SMAP1: variants seen among roughly 807,000 people sequenced by gnomAD.
SMAP1 encodes stromal membrane-associated protein 1.
Under a neutral mutation model 58.5 loss-of-function variants are expected in SMAP1, and 24 were observed. That is an observed-to-expected ratio of 0.41 (90% CI 0.30 to 0.58). SMAP1 has a LOEUF of 0.58. Among genes scored for constraint, SMAP1 ranks in the 20% least tolerant of loss-of-function variants. SMAP1 has a pLI of 0.29. For synonymous variants in SMAP1, 216 were observed against 196.6 expected (o/e 1.10, Z -0.82); for missense variants, 563 against 566.3 (o/e 0.99, Z 0.06).
At chr6:70,771,237 C>G (rs1021698974) in intron 3 of SMAP1, among the ~76,000 whole-genome samples, 18 of 152,248 alleles carry the variant, frequency 1.2e-4, no homozygotes, top group African/African-American at 4.1e-4. Context: ...TGCCCATTCT[C>G]AGATCTCCAG....
At chr6:70,679,369 A>C (rs1581986391) in intron 1 of SMAP1, among the ~76,000 whole-genome samples, 1 of 152,300 alleles carries the variant, frequency 6.6e-6, no homozygotes, top group Non-Finnish European at 1.5e-5. Flanking sequence ...TTAAGATGGT[A>C]TGGGATGATG....
chr6:70,673,082 T>A (rs994559568), intron 1 of SMAP1, among the ~76,000 whole-genome samples: 7 of 152,104 alleles, frequency 4.6e-5, no homozygotes, highest in African/African-American at 1.7e-4. Flanking sequence ...AATGTCAATA[T>A]ATAAGTCAGG....
At chr6:70,822,679 G>A (rs1420122801) in intron 6 of SMAP1, among the ~76,000 whole-genome samples, 1 of 152,084 alleles carries the variant, frequency 6.6e-6, no homozygotes, top group Non-Finnish European at 1.5e-5. Flanking sequence ...TGGATGTGTG[G>A]TTTTGTATCC....
chr6:70,794,686 A>G (rs1194582399), intron 5 of SMAP1, among the ~76,000 whole-genome samples: 1 of 151,956 alleles, frequency 6.6e-6, no homozygotes, highest in Non-Finnish European at 1.5e-5. Context: ...TTTGCTCAGA[A>G]TGATGGTTTC....
rs147719662 is a variant in SMAP1 at position 70,812,676 on chromosome 6, A to C, written c.576+13939A>C. 5.3e-5 allele frequency among the ~76,000 whole-genome samples: 8 copies of C among 152,328 alleles called. No homozygotes were observed. The South Asian group carries it at 1.7e-3, about 32-fold the overall frequency. ...AAGCTAAAAAATTAAAAGATAATCAATTGCTTACAGAATAAATATTAATAA... is the reference window on the plus strand; with the variant it reads ...AAGCTAAAAAATTAAAAGATAATCACTTGCTTACAGAATAAATATTAATAA... On this transcript the variant is annotated intron_variant, in intron 6 of 10. Coordinates refer to ENST00000370455, the MANE Select transcript of SMAP1 (RefSeq NM_001044305.3).
chr6:70,809,069 T>C (rs1031902806), intron 6 of SMAP1, among the ~76,000 whole-genome samples: 4 of 152,156 alleles, frequency 2.6e-5, no homozygotes, highest in African/African-American at 9.7e-5. Flanking sequence ...TAATGTCTCT[T>C]GTGCAGATAT....
chr6:70,782,097 C>T (rs1309864352), intron 4 of SMAP1, among the ~76,000 whole-genome samples: 7 of 152,168 alleles, frequency 4.6e-5, no homozygotes, highest in Non-Finnish European at 2.9e-5. Flanking sequence ...ATGACTACTG[C>T]ATTCACTGAC....
chr6:70,793,700 CTTTAT>C (rs1004774307), intron 5 of SMAP1, among the ~76,000 whole-genome samples: 7 of 151,088 alleles, frequency 4.6e-5, no homozygotes, highest in African/African-American at 1.7e-4. Context: ...GAAACTATGT[CTTTAT>C]TTTATTTTTA....
chr6:70,765,362 T>G (rs1159931841), intron 3 of SMAP1, among the ~76,000 whole-genome samples: 1 of 152,192 alleles, frequency 6.6e-6, no homozygotes, highest in African/African-American at 2.4e-5. Flanking sequence ...TATGGCATAT[T>G]TCTGGTCACA....
chr6:70,721,424 G>C (rs536702054), intron 1 of SMAP1, among the ~76,000 whole-genome samples: 3 of 152,238 alleles, frequency 2.0e-5, no homozygotes, highest in South Asian at 4.1e-4. Context: ...CTACAGCCTG[G>C]ACCTTATTGT....
chr6:70,767,555 G>A (rs1173033744), intron 3 of SMAP1, among the ~76,000 whole-genome samples: 2 of 151,708 alleles, frequency 1.3e-5, no homozygotes, highest in Non-Finnish European at 2.9e-5. Context: ...CTGTTTGTCT[G>A]TTATTGGTGT....
intron 1 of SMAP1, among the ~76,000 whole-genome samples, chr6:70,701,766 G>A (rs1159053674): frequency 1.3e-5 from 2 of 152,138 alleles, no homozygotes; most frequent in Admixed American, 1.3e-4. Context: ...ATTCAAAATT[G>A]TCTTCCCTAA....
intron 6 of SMAP1, among the ~76,000 whole-genome samples, chr6:70,822,838 G>GT (rs550803429): frequency 1.0e-3 from 151 of 147,486 alleles, no homozygotes; most frequent in South Asian, 4.1e-3. Flanking sequence ...TTTCTTCAGT[G>GT]TTTTTTTTTT....
At chr6:70,790,740 G>A (rs965456973) in intron 4 of SMAP1, among the ~76,000 whole-genome samples, 1 of 152,076 alleles carries the variant, frequency 6.6e-6, no homozygotes, top group African/African-American at 2.4e-5. Flanking sequence ...ATCTTGCAGT[G>A]TTATTTTGAC....
At chr6:70,701,382 C>T (rs1562101193) in intron 1 of SMAP1, among the ~76,000 whole-genome samples, 1 of 152,198 alleles carries the variant, frequency 6.6e-6, no homozygotes, top group Non-Finnish European at 1.5e-5. Context: ...CTTACTAGGT[C>T]ACGTGCACCC....
chr6:70,840,872 T>C (rs945820532), intron 7 of SMAP1, among the ~76,000 whole-genome samples: 10 of 152,208 alleles, frequency 6.6e-5, no homozygotes, highest in African/African-American at 9.7e-5. Flanking sequence ...CACAGACATA[T>C]CCTGACTTGA....
At chr6:70,669,024 CAG>C (rs765918499) in intron 1 of SMAP1, among the ~76,000 whole-genome samples, 1 of 152,132 alleles carries the variant, frequency 6.6e-6, no homozygotes. Context: ...GCCTTTGAAA[CAG>C]ATATACTATT....
intron 4 of SMAP1, among the ~76,000 whole-genome samples, chr6:70,786,095 T>C (rs1449929274): frequency 6.6e-6 from 1 of 152,152 alleles, no homozygotes; most frequent in East Asian, 1.9e-4. Context: ...ATCAAAAAGC[T>C]TATCCACCAT....
At chr6:70,855,964 A>G (rs1386070084) in intron 8 of SMAP1, among the ~76,000 whole-genome samples, 2 of 152,202 alleles carry the variant, frequency 1.3e-5, no homozygotes, top group Non-Finnish European at 2.9e-5. Context: ...CAATGTTTGG[A>G]TGGTAACTTA....
Sources: allele counts gnomAD v4.1 joint callset (sites outside exome capture counted in the v4.1 genomes callset), GRCh38; gene constraint gnomAD v4.1.1; transcripts MANE v1.5; gene names NCBI Gene and HGNC (gene_info 2026-07-23, HGNC 2026-07-21).